The following POSTN variants were observed in gnomAD, a reference collection of about 807,000 sequenced individuals.
POSTN encodes the protein periostin, also known as osteoblast specific factor 2 (fasciclin I-like).
POSTN carries 71 observed loss-of-function variants against 104.5 expected under a neutral mutation model. The ratio of observed to expected loss-of-function variants is 0.68; its 90% CI spans 0.56 to 0.83. The LOEUF is 0.83. Ranked by LOEUF, POSTN falls within the 40% of genes least tolerant of loss-of-function variation. The probability of loss-of-function intolerance (pLI) is 0.00; values close to 1 mark genes in which losing one functional copy is unlikely to be tolerated. For synonymous variants in POSTN, 355 were observed against 340.7 expected (o/e 1.04, Z -0.46); for missense variants, 949 against 1,006.8 (o/e 0.94, Z 0.78).
In POSTN at chr13:37,569,379, G is replaced by T. The variant is rs765127491; in HGVS notation, c.2352C>A (p.Val784=). The T allele has an allele frequency of 3.5e-5, 57 of 1,609,128 alleles. No individual in the cohort carries two copies. Among genetic ancestry groups the T allele is most frequent in the Non-Finnish European group, 4.6e-5 (54 of 1,176,000 alleles). ...CTTCAATGAATTTGGTGACCTTGGT[G>T]ACCTCTGAGAGGATACATGTTTATA... The part of the protein sequence containing the change: ...ETLKKLLQEE[V]TKVTKFIEGG... Residue 784 remains valine, a synonymous_variant, in exon 21 of 23, where the codon GTC becomes GTA. Transcript: ENST00000379747.
In POSTN at chr13:37,579,084, T is replaced by C; in HGVS notation, c.1829A>G (p.Lys610Arg). Residue 610 changes from lysine to arginine, a missense_variant, in exon 14 of 23, where the codon AAA (lysine) becomes AGA (arginine). Physicochemically the swap from Lys to Arg is conservative, Grantham distance 26. Transcript: ENST00000379747. The part of the protein sequence containing the change: ...DTLLVNELKS[K>R]ESDIMTTNGV... ...ATTTGTTGTCATGATGTCAGATTCTTTTGATTTCAATTCATTCACCAGAAG... is the reference window on the plus strand; with the variant it reads ...ATTTGTTGTCATGATGTCAGATTCTCTTGATTTCAATTCATTCACCAGAAG... 6.2e-7 allele frequency: 1 copy of C among 1,613,364 alleles called. No homozygotes were observed. Among genetic ancestry groups the C allele is most frequent in the Non-Finnish European group, 8.5e-7 (1 of 1,179,646 alleles).
chr13:37,576,315 T>C (rs1210597981), intron 16 of POSTN, among the ~76,000 whole-genome samples: 1 of 150,156 alleles, frequency 6.7e-6, no homozygotes. Flanking sequence ...TTAAAATACT[T>C]CTTAATAACA....
intron 17 of POSTN, among the ~76,000 whole-genome samples, chr13:37,574,125 T>C (rs1350774235): frequency 6.6e-6 from 1 of 151,724 alleles, no homozygotes; most frequent in Admixed American, 6.6e-5. Flanking sequence ...AAACATAGCT[T>C]CTATGCTATC....
intron 4 of POSTN, among the ~76,000 whole-genome samples, chr13:37,588,814 A>AG (rs1950837021): frequency 6.6e-6 from 1 of 152,192 alleles, no homozygotes; most frequent in South Asian, 2.1e-4. Flanking sequence ...TAATGCCCTA[A>AG]GAGGAGTGAA....
chr13:37,576,521 A>G (rs771485968), intron 16 of POSTN, among the ~76,000 whole-genome samples: 2 of 152,126 alleles, frequency 1.3e-5, no homozygotes, highest in Non-Finnish European at 2.9e-5. Context: ...TAATCAAGAT[A>G]TTGCATTCAC....
chr13:37,590,169 A>T (rs868650591), intron 4 of POSTN, among the ~76,000 whole-genome samples: 11 of 152,210 alleles, frequency 7.2e-5, no homozygotes, highest in African/African-American at 2.6e-4. Context: ...AAAAAATTAA[A>T]GTATAAGTCT....
chr13:37,590,758 T>C (rs1000681830), intron 3 of POSTN, among the ~76,000 whole-genome samples: 1 of 152,084 alleles, frequency 6.6e-6, no homozygotes, highest in Non-Finnish European at 1.5e-5. Context: ...AAAAAAAATT[T>C]AAACTGTCAT....
At chr13:37,565,765 CA>C (rs1950080993) in intron 21 of POSTN, among the ~76,000 whole-genome samples, 1 of 151,930 alleles carries the variant, frequency 6.6e-6, no homozygotes, top group South Asian at 2.1e-4. Flanking sequence ...GTAAAACAAC[CA>C]AGTCTGAGTT....
intron 7 of POSTN, 42 bp downstream of exon 7, chr13:37,586,097 A>G: frequency 6.5e-7 from 1 of 1,535,152 alleles, no homozygotes; most frequent in African/African-American, 1.4e-5. Context: ...TTCCCTTCTC[A>G]GAATGCTGGG....
At chr13:37,569,069 T>A in intron 21 of POSTN, 1 of 315,036 alleles carries the variant, frequency 3.2e-6, no homozygotes. Flanking sequence ...AAATATTCAT[T>A]GCTCCCCAAA....
chr13:37,591,490 G>A (rs1013286757), intron 3 of POSTN, among the ~76,000 whole-genome samples: 2 of 152,082 alleles, frequency 1.3e-5, no homozygotes, highest in African/African-American at 4.8e-5. Context: ...AAAGATTACT[G>A]GACTAGAGAC....
rs1949978171 is a variant in POSTN at position 37,563,027 on chromosome 13, G to C, written c.*306C>G. Reference sequence around the variant, plus strand: ...ACAACTCTTCGATTTGAATTGTAATGAATCTGGTGACAAGGATTTTTCTCT... The same window carrying C: ...ACAACTCTTCGATTTGAATTGTAATCAATCTGGTGACAAGGATTTTTCTCT... On this transcript the variant is annotated 3_prime_UTR_variant, in exon 23 of 23. Transcript: ENST00000379747. The C allele has an allele frequency of 4.7e-6, 1 of 212,626 alleles. No homozygotes were observed. Among genetic ancestry groups the C allele is most frequent in the South Asian group, 1.5e-4 (1 of 6,786 alleles). 13.2% of individuals were successfully genotyped at this position (212,626 alleles called of 1,614,324 possible). A position where few individuals can be genotyped will look rare whatever the true frequency, so the allele number is the denominator to read the frequency against.
intron 2 of POSTN, among the ~76,000 whole-genome samples, chr13:37,596,811 A>G (rs1951098549): frequency 1.3e-5 from 2 of 152,188 alleles, no homozygotes; most frequent in Admixed American, 1.3e-4. Flanking sequence ...TTTCTGGCCC[A>G]CTTTTTTATA....
intron 21 of POSTN, chr13:37,565,387 T>C (rs1044229860): frequency 8.6e-5 from 13 of 152,016 alleles, no homozygotes; most frequent in African/African-American, 3.1e-4. Context: ...TACTTCATTT[T>C]TCTACTTATC....
In POSTN at chr13:37,580,701, G is replaced by A; in HGVS notation, c.1393-4C>T. The A allele has an allele frequency of 6.2e-7, 1 of 1,613,834 alleles. No individual in the cohort carries two copies. Among genetic ancestry groups the A allele is most frequent in the South Asian group, 1.1e-5 (1 of 91,062 alleles). On this transcript the variant is annotated splice_polypyrimidine_tract_variant and splice_region_variant and intron_variant, in intron 10 of 22. Coordinates refer to ENST00000379747, the MANE Select transcript of POSTN (RefSeq NM_006475.3). ...ATGAATTTTCAATGCAGACAGCCTA[G>A]GAAAGGAAAGAAAGGTATGGGGTGT...
At chr13:37,589,353 T>C (rs9576311) in intron 4 of POSTN, among the ~76,000 whole-genome samples, 80,613 of 151,938 alleles carry the variant, frequency 0.53, 21,901 homozygotes, top group East Asian at 0.85. Context: ...TTATTTTTAC[T>C]TTTTATTATT....
chr13:37,577,403 G>A (rs1950440335), intron 16 of POSTN, among the ~76,000 whole-genome samples: 2 of 152,124 alleles, frequency 1.3e-5, no homozygotes. Context: ...CTTGGCTAAG[G>A]TCATTTCTGT....
intron 16 of POSTN, among the ~76,000 whole-genome samples, chr13:37,575,439 G>A (rs972890252): frequency 1.3e-5 from 2 of 151,802 alleles, no homozygotes; most frequent in African/African-American, 2.4e-5. Context: ...TCAAACCTAC[G>A]TGTGTACCCC....
chr13:37,586,853 G>T lies in POSTN; in HGVS notation c.682C>A (p.Arg228Ser), dbSNP rs200646973. The T allele has an allele frequency of 6.2e-7, 1 of 1,612,272 alleles. No homozygotes were observed. The highest frequency in any genetic ancestry group is 8.5e-7 in the Non-Finnish European group (1 of 1,178,654). Residue 228 changes from arginine (R) to serine (S), a missense_variant, in exon 6 of 23, where the codon CGT becomes AGT. Arg to Ser is a moderately radical substitution (Grantham distance 110, BLOSUM62 -1). Coordinates refer to ENST00000379747, the MANE Select transcript of POSTN (RefSeq NM_006475.3). ...GAGGTACCAATTTGTGTAAGCACAC[G>T]GTCAATGACATGGACAACACCATTT... ...ATNGVVHVID[R>S]VLTQIGTSIQ...
Sources: gnomAD v4.1 joint callset for allele counts (sites outside exome capture counted in the v4.1 genomes callset) on GRCh38, gnomAD v4.1.1 for gene constraint, MANE v1.5 for transcripts, NCBI Gene and HGNC (gene_info 2026-07-23, HGNC 2026-07-21) for gene names.